BRMS1L: variants seen among roughly 807,000 people sequenced by gnomAD.
BRMS1L encodes the protein BRMS1 like transcriptional repressor, also known as breast cancer metastasis-suppressor 1-like protein.
A neutral mutation model predicts 50.3 loss-of-function variants in BRMS1L; 23 were observed. The observed-to-expected ratio is 0.46, with a 90% CI of 0.33 to 0.65. The LOEUF (loss-of-function observed/expected upper bound fraction) is 0.65, where lower values mean the gene tolerates loss of function less well. BRMS1L is among the 30% of genes least tolerant of loss of function. BRMS1L has a pLI of 0.02. For synonymous variants in BRMS1L, 114 were observed against 126.9 expected (o/e 0.90, Z 0.69); for missense variants, 286 against 386.1 (o/e 0.74, Z 2.17).
intron 4 of BRMS1L, among the ~76,000 whole-genome samples, chr14:35,860,038 A>G (rs1414912817): frequency 7.9e-5 from 12 of 152,156 alleles, no homozygotes; most frequent in Non-Finnish European, 8.8e-5. Flanking sequence ...TTTAGCTTTC[A>G]TTTTATAAAT....
intron 4 of BRMS1L, among the ~76,000 whole-genome samples, chr14:35,845,881 G>A (rs558899466): frequency 8.5e-5 from 13 of 152,172 alleles, no homozygotes; most frequent in East Asian, 1.9e-4. Context: ...TCAACCTCCC[G>A]AGTAGCTGGG....
Position 35,871,790 on chromosome 14 carries a change from T to G in BRMS1L, c.*1313T>G, listed in dbSNP as rs1259760858. Reference sequence around the variant, plus strand: ...AAAACACTTAACTGCTGAAATTCAGTGTCAGCAAAGTGATATTACGTTGTT... The same window carrying G: ...AAAACACTTAACTGCTGAAATTCAGGGTCAGCAAAGTGATATTACGTTGTT... On this transcript the variant is annotated 3_prime_UTR_variant, in exon 10 of 10. Coordinates refer to ENST00000216807, the MANE Select transcript of BRMS1L (RefSeq NM_032352.4). The G allele has an allele frequency of 6.5e-6, 1 of 152,672 alleles. No individual in the cohort carries two copies. The highest frequency in any genetic ancestry group is 1.5e-5 in the Non-Finnish European group (1 of 68,046). 9.5% of individuals were successfully genotyped at this position (152,672 alleles called of 1,614,324 possible).
At chr14:35,829,731 A>G in intron 1 of BRMS1L, 1 of 721,724 alleles carries the variant, frequency 1.4e-6, no homozygotes, top group Non-Finnish European at 2.0e-6. Context: ...AAAATGAGAA[A>G]AAAATGAGTC....
intron 4 of BRMS1L, among the ~76,000 whole-genome samples, chr14:35,840,848 C>A (rs530849710): frequency 6.6e-6 from 1 of 152,064 alleles, no homozygotes; most frequent in South Asian, 2.1e-4. Context: ...TCTCTTTCTC[C>A]TTCAGTTCTG....
intron 4 of BRMS1L, among the ~76,000 whole-genome samples, chr14:35,852,443 A>C (rs1312144783): frequency 6.6e-6 from 1 of 152,180 alleles, no homozygotes; most frequent in Non-Finnish European, 1.5e-5. Context: ...ATATTGTAAC[A>C]ATATAAGTCT....
intron 4 of BRMS1L, among the ~76,000 whole-genome samples, chr14:35,856,804 A>T (rs984548235): frequency 1.3e-5 from 2 of 152,106 alleles, no homozygotes; most frequent in African/African-American, 4.8e-5. Flanking sequence ...TAGTAGATAC[A>T]GGGTTTGCCA....
chr14:35,850,433 C>T (rs555957851), intron 4 of BRMS1L, among the ~76,000 whole-genome samples: 6 of 149,278 alleles, frequency 4.0e-5, no homozygotes, highest in Admixed American at 6.7e-5. Flanking sequence ...TCTTGAATTC[C>T]GATCCACCTG....
At chr14:35,839,711 A>C (rs2078037910) in intron 4 of BRMS1L, among the ~76,000 whole-genome samples, 1 of 152,172 alleles carries the variant, frequency 6.6e-6, no homozygotes, top group Non-Finnish European at 1.5e-5. Context: ...TGATTTTTGC[A>C]CATTGATTTT....
chr14:35,863,100 C>T (rs61989614), intron 5 of BRMS1L, among the ~76,000 whole-genome samples: 1 of 149,662 alleles, frequency 6.7e-6, no homozygotes, highest in African/African-American at 2.5e-5. Context: ...AATCTTGTCT[C>T]CAAAAAAAAA....
At chr14:35,845,938 TACTC>T (rs1204026409) in intron 4 of BRMS1L, among the ~76,000 whole-genome samples, 6 of 152,218 alleles carry the variant, frequency 3.9e-5, no homozygotes, top group Non-Finnish European at 8.8e-5. Context: ...AATAGTGTCA[TACTC>T]AATAAGTTGT....
chr14:35,863,815 T>C (rs2078384692), intron 5 of BRMS1L, 55 bp from the exon 6 acceptor site: 9 of 1,505,606 alleles, frequency 6.0e-6, no homozygotes, highest in Non-Finnish European at 8.1e-6. Flanking sequence ...AGAGTCTTTT[T>C]TCCTCCTTTG....
At chr14:35,859,555 A>G (rs1261236703) in intron 4 of BRMS1L, among the ~76,000 whole-genome samples, 2 of 151,998 alleles carry the variant, frequency 1.3e-5, no homozygotes, top group Non-Finnish European at 2.9e-5. Flanking sequence ...TTGTCTTGGT[A>G]TTGTGGGATT....
At position 35,862,593 on chromosome 14, in the gene BRMS1L, G is replaced by A. The variant is rs2142061812; in HGVS notation, c.445G>A (p.Glu149Lys). 6.3e-7 allele frequency: 1 copy of A among 1,576,162 alleles called. No homozygotes were observed. Among genetic ancestry groups the A allele is most frequent in the Non-Finnish European group, 8.6e-7 (1 of 1,161,050 alleles). The change falls in exon 5 of 10, where the codon GAA becomes AAA. Residue 149 changes from glutamate to lysine, a missense_variant. Coordinates refer to ENST00000216807, the MANE Select transcript of BRMS1L (RefSeq NM_032352.4). ...TATAATCTGTTTTTCTCCCCAGAGC[G>A]AAAAGCTGTTGCTATATGATACAGT... The part of the protein sequence containing the change: ...IQASRQHCES[E>K]KLLLYDTVQS...
In BRMS1L at chr14:35,829,853, A is replaced by C. The variant is rs972458640; in HGVS notation, c.143-1557A>C. The C allele has an allele frequency of 3.0e-5, 37 of 1,253,910 alleles. No homozygotes were observed. In the Middle Eastern group the frequency reaches 1.1e-3, roughly 37 times the overall value. The allele number at this position is 1,253,910 out of a possible 1,614,324, so 77.7% of individuals were successfully genotyped here. ...ATCATTTTGTGCTTCAGTTATTTTG[A>C]TGAATGAATATATGTGATATGAACA... is the stretch of plus-strand genomic sequence containing the variant. On this transcript the variant is annotated intron_variant, in intron 1 of 9. Coordinates refer to ENST00000216807, the MANE Select transcript of BRMS1L (RefSeq NM_032352.4).
chr14:35,862,626 G>T lies in BRMS1L; in HGVS notation c.478G>T (p.Glu160Ter). The change falls in exon 5 of 10, where the codon GAA becomes TAA. Residue 160 changes from glutamate to a stop codon, truncating the protein, a stop_gained. Coordinates refer to ENST00000216807, the MANE Select transcript of BRMS1L (RefSeq NM_032352.4). LOFTEE classifies it high-confidence loss of function. The stretch of plus-strand genomic sequence containing the variant: ...GTTGCTATATGATACAGTCCAGAGT[G>T]AACTAGAGGAGAAGATAAGAAGGCT... ...KLLLYDTVQS[E>*]LEEKIRRLEE... 1 of 1,611,936 alleles carries T rather than the reference G, an allele frequency of 6.2e-7. No homozygotes were observed. The highest frequency in any genetic ancestry group is 1.1e-5 in the South Asian group (1 of 90,774).
chr14:35,832,276 G>T (rs992169215), intron 2 of BRMS1L, among the ~76,000 whole-genome samples: 1 of 151,448 alleles, frequency 6.6e-6, no homozygotes, highest in African/African-American at 2.4e-5. Context: ...AGGCTGAGGC[G>T]GGTGGATCAC....
intron 4 of BRMS1L, among the ~76,000 whole-genome samples, chr14:35,849,228 A>G (rs559694851): frequency 4.6e-5 from 7 of 152,154 alleles, no homozygotes; most frequent in Admixed American, 3.9e-4. Flanking sequence ...TAAGTTCCCA[A>G]CAGTGAACAA....
chr14:35,859,426 G>T (rs2078322074), intron 4 of BRMS1L, among the ~76,000 whole-genome samples: 1 of 152,148 alleles, frequency 6.6e-6, no homozygotes, highest in South Asian at 2.1e-4. Context: ...TGAAGGCATT[G>T]TTCCATTATC....
intron 4 of BRMS1L, among the ~76,000 whole-genome samples, chr14:35,851,286 C>T (rs1294952999): frequency 6.6e-6 from 1 of 151,812 alleles, no homozygotes; most frequent in Non-Finnish European, 1.5e-5. Context: ...CTGCTACATT[C>T]CTGCAATGGA....
Sources: gnomAD v4.1 joint callset for allele counts (sites outside exome capture counted in the v4.1 genomes callset) on GRCh38, gnomAD v4.1.1 for gene constraint, MANE v1.5 for transcripts, NCBI Gene and HGNC (gene_info 2026-07-23, HGNC 2026-07-21) for gene names.